The following GPC5 variants were observed in gnomAD, a reference collection of about 807,000 sequenced individuals.
GPC5 encodes glypican 5, also known as glypican-5.
A neutral mutation model predicts 53.9 loss-of-function variants in GPC5; 47 were observed. The observed-to-expected ratio is 0.87, with a 90% CI of 0.69 to 1.11. The LOEUF (loss-of-function observed/expected upper bound fraction) is 1.11. Ranked by LOEUF, GPC5 falls within the 50% of genes most tolerant of loss-of-function variation. GPC5 has a pLI of 0.00. For missense variants in GPC5, 748 were observed against 713.1 expected, an observed-to-expected ratio of 1.05 and a Z score of -0.56; for synonymous variants, 286 against 263.3, an observed-to-expected ratio of 1.09 and a Z score of -0.84.
intron 2 of GPC5, among the ~76,000 whole-genome samples, chr13:91,607,357 T>C (rs968373848): frequency 1.3e-5 from 2 of 152,164 alleles, no homozygotes; most frequent in African/African-American, 4.8e-5. Flanking sequence ...AAATTATTTT[T>C]TTCCTCAAGC....
intron 6 of GPC5, among the ~76,000 whole-genome samples, chr13:92,043,426 G>C (rs928575162): frequency 2.0e-5 from 3 of 152,134 alleles, no homozygotes; most frequent in Admixed American, 2.0e-4. Context: ...GGGAAGAAAG[G>C]GGGTATAGTA....
chr13:92,842,860 T>A (rs1454962420), intron 7 of GPC5, among the ~76,000 whole-genome samples: 2 of 152,116 alleles, frequency 1.3e-5, no homozygotes, highest in African/African-American at 4.8e-5. Flanking sequence ...TTATAATACT[T>A]AACAATCATT....
chr13:92,718,938 T>G (rs1888418871), intron 7 of GPC5, among the ~76,000 whole-genome samples: 1 of 151,098 alleles, frequency 6.6e-6, no homozygotes, highest in African/African-American at 2.4e-5. Context: ...AGAATAAGAA[T>G]GTTTGTAACA....
Position 92,702,615 on chromosome 13 carries a change from C to T in GPC5, c.1562-163667C>T, listed in dbSNP as rs571362096. On this transcript the variant is annotated intron_variant, in intron 7 of 7. Transcript: ENST00000377067. ...CATTTTTCATCACCTCTCCAGCTAC[C>T]TCCCCAGCCCAAGCCCCCATTTTCT... 1.0e-3 allele frequency among the ~76,000 whole-genome samples: 155 copies of T among 152,138 alleles called. 3 individuals are homozygous for T. The highest frequency in any genetic ancestry group is 3.6e-3 in the African/African-American group (151 of 41,542).
intron 2 of GPC5, among the ~76,000 whole-genome samples, chr13:91,573,688 T>C (rs2032027887): frequency 6.6e-6 from 1 of 152,180 alleles, no homozygotes; most frequent in Non-Finnish European, 1.5e-5. Context: ...ATTTATTTCC[T>C]AATTATGTAT....
At chr13:91,420,046 T>A (rs1360398204) in intron 1 of GPC5, among the ~76,000 whole-genome samples, 2 of 152,176 alleles carry the variant, frequency 1.3e-5, no homozygotes, top group East Asian at 3.9e-4. Flanking sequence ...GGAAGGATCC[T>A]GGGGAGCTGC....
chr13:92,536,828 G>A (rs538033389), intron 7 of GPC5, among the ~76,000 whole-genome samples: 1 of 151,970 alleles, frequency 6.6e-6, no homozygotes, highest in South Asian at 2.1e-4. Context: ...ATACATTAAT[G>A]ATAGAAAAAA....
At chr13:91,526,858 G>GGA (rs1157583621) in intron 2 of GPC5, among the ~76,000 whole-genome samples, 6 of 152,098 alleles carry the variant, frequency 3.9e-5, no homozygotes, top group Middle Eastern at 3.4e-3. Context: ...CGTGGCAGCA[G>GGA]GAGAGAGAGA....
intron 2 of GPC5, among the ~76,000 whole-genome samples, chr13:91,691,898 G>A (rs928020316): frequency 5.3e-5 from 8 of 151,964 alleles, no homozygotes; most frequent in East Asian, 1.9e-4. Flanking sequence ...GTGACTATAC[G>A]GTTGGGACTA....
At chr13:92,621,804 G>C (rs1566325506) in intron 7 of GPC5, among the ~76,000 whole-genome samples, 1 of 152,092 alleles carries the variant, frequency 6.6e-6, no homozygotes, top group African/African-American at 2.4e-5. Context: ...GGGCAACAGA[G>C]AAAGACCCTG....
intron 7 of GPC5, among the ~76,000 whole-genome samples, chr13:92,816,734 G>A (rs1387676474): frequency 6.6e-6 from 1 of 151,954 alleles, no homozygotes; most frequent in Non-Finnish European, 1.5e-5. Context: ...AGTGCTTCCA[G>A]GCTTTCTGAG....
intron 7 of GPC5, among the ~76,000 whole-genome samples, chr13:92,706,927 G>C (rs896177516): frequency 3.9e-5 from 6 of 152,056 alleles, no homozygotes; most frequent in African/African-American, 1.4e-4. Context: ...TCTAGGGGTG[G>C]GGCTCCCATG....
intron 6 of GPC5, among the ~76,000 whole-genome samples, chr13:92,082,908 G>A (rs762832414): frequency 1.2e-4 from 18 of 152,130 alleles, no homozygotes; most frequent in Non-Finnish European, 2.5e-4. Context: ...ACAGAGATGT[G>A]TCTACCTGGG....
chr13:92,248,826 G>T (rs1268795563), intron 7 of GPC5, among the ~76,000 whole-genome samples: 2 of 151,976 alleles, frequency 1.3e-5, no homozygotes, highest in African/African-American at 4.8e-5. Flanking sequence ...GCTCGTTTGT[G>T]TGTTTTTTAT....
chr13:92,697,023 T>C (rs893514324), intron 7 of GPC5, among the ~76,000 whole-genome samples: 8 of 152,034 alleles, frequency 5.3e-5, no homozygotes, highest in African/African-American at 1.7e-4. Flanking sequence ...TGTGGCATGA[T>C]TTCTGAGGCC....
chr13:92,486,390 T>C (rs1341762622), intron 7 of GPC5, among the ~76,000 whole-genome samples: 2 of 152,222 alleles, frequency 1.3e-5, no homozygotes, highest in Non-Finnish European at 2.9e-5. Context: ...ATAATAATAG[T>C]GATTCTGATT....
At chr13:92,692,403 G>C (rs1202861835) in intron 7 of GPC5, among the ~76,000 whole-genome samples, 1 of 151,780 alleles carries the variant, frequency 6.6e-6, no homozygotes, top group Non-Finnish European at 1.5e-5. Context: ...TAATGTGATT[G>C]CTGGGTCAAA....
chr13:92,790,195 C>T (rs1876411723), intron 7 of GPC5, among the ~76,000 whole-genome samples: 2 of 152,222 alleles, frequency 1.3e-5, no homozygotes, highest in South Asian at 4.1e-4. Context: ...TGGCAACACC[C>T]TCACAGACAG....
chr13:91,665,678 A>AT (rs1346563909), intron 2 of GPC5, among the ~76,000 whole-genome samples: 7 of 151,386 alleles, frequency 4.6e-5, no homozygotes, highest in East Asian at 3.9e-4. Context: ...AATTTTTTGT[A>AT]TTTTTTTTAG....
Sources: gnomAD v4.1 joint callset for allele counts (sites outside exome capture counted in the v4.1 genomes callset) on GRCh38, gnomAD v4.1.1 for gene constraint, MANE v1.5 for transcripts, NCBI Gene and HGNC (gene_info 2026-07-23, HGNC 2026-07-21) for gene names.